Variants in PRKCQ observed in about 807,000 individuals in gnomAD.
PRKCQ encodes the protein protein kinase C theta type.
Under a neutral mutation model 91.2 loss-of-function variants are expected in PRKCQ, and 41 were observed. That is an observed-to-expected ratio of 0.45 (90% CI 0.35 to 0.58). PRKCQ has a LOEUF of 0.58. Among genes scored for constraint, PRKCQ ranks in the 20% least tolerant of loss-of-function variants. The pLI, the probability that PRKCQ is intolerant of heterozygous loss-of-function variation, is 0.00. For missense variants in PRKCQ, 673 were observed against 896.5 expected, an observed-to-expected ratio of 0.75 and a Z score of 3.18; for synonymous variants, 307 against 316.9, an observed-to-expected ratio of 0.97 and a Z score of 0.33.
chr10:6,517,202 C>T (rs907131768), intron 1 of PRKCQ, among the ~76,000 whole-genome samples: 1 of 152,074 alleles, frequency 6.6e-6, no homozygotes, highest in South Asian at 2.1e-4. Context: ...TAGTTCAGAG[C>T]ACTTTTTAGG....
intron 3 of PRKCQ, among the ~76,000 whole-genome samples, chr10:6,507,756 C>A (rs1838268746): frequency 6.6e-6 from 1 of 152,166 alleles, no homozygotes; most frequent in Non-Finnish European, 1.5e-5. Context: ...AATCCTAAAA[C>A]AGATTCTATT....
chr10:6,484,556 A>G (rs963283167), intron 10 of PRKCQ, among the ~76,000 whole-genome samples: 1 of 152,256 alleles, frequency 6.6e-6, no homozygotes, highest in Non-Finnish European at 1.5e-5. Context: ...AAAACATAAG[A>G]GAAATTTTTA....
chr10:6,406,683 C>A, the PRKCQ span, among the ~76,000 whole-genome samples: 1 of 152,098 alleles, frequency 6.6e-6, no homozygotes, highest in South Asian at 2.1e-4. Flanking sequence ...TGTCTTTGTG[C>A]AGATCTTATG....
Position 6,479,154 on chromosome 10 carries a change from T to C in PRKCQ, c.1191A>G (p.Ala397=), listed in dbSNP as rs1588724344. The part of the protein sequence containing the change: ...GKGSFGKVFL[A]EFKKTNQFFA... Reference sequence around the variant, plus strand: ...AAAATTGATTGGTTTTCTTGAATTCTGCCAGGAAGACCTAGAAGGAGAGGG... The same window carrying C: ...AAAATTGATTGGTTTTCTTGAATTCCGCCAGGAAGACCTAGAAGGAGAGGG... The change falls in exon 12 of 18, where the codon GCA becomes GCG. Residue 397 remains alanine, a synonymous_variant. Transcript: ENST00000263125. 5 of 1,614,086 alleles carry C rather than the reference T, an allele frequency of 3.1e-6. No individual in the cohort carries two copies. Among genetic ancestry groups the C allele is most frequent in the Non-Finnish European group, 4.2e-6 (5 of 1,179,942 alleles).
chr10:6,456,571 T>G, intron 15 of PRKCQ, 103 bp downstream of exon 15: 1 of 1,431,758 alleles, frequency 7.0e-7, no homozygotes, highest in South Asian at 1.4e-5. Flanking sequence ...GTACAAATCT[T>G]GAATGAAGAT....
chr10:6,561,283 G>T (rs1356871451), intron 1 of PRKCQ, among the ~76,000 whole-genome samples: 1 of 148,610 alleles, frequency 6.7e-6, no homozygotes, highest in African/African-American at 2.5e-5. Flanking sequence ...GAGGTGGGAG[G>T]ATCACCTGAG....
chr10:6,522,319 T>C (rs974765091), intron 1 of PRKCQ, among the ~76,000 whole-genome samples: 8 of 152,346 alleles, frequency 5.3e-5, no homozygotes, highest in African/African-American at 1.9e-4. Context: ...ATCTCATTTG[T>C]CTTTTGTGTG....
intron 1 of PRKCQ, among the ~76,000 whole-genome samples, chr10:6,553,500 A>ATAAAAT (rs58498156): frequency 0.31 from 37,691 of 122,264 alleles, 6,543 homozygotes; most frequent in African/African-American, 0.52. Flanking sequence ...AAAAAAAAAA[A>ATAAAAT]AAAAAAAAAA....
At chr10:6,460,886 T>C (rs1588694358) in intron 14 of PRKCQ, among the ~76,000 whole-genome samples, 1 of 150,298 alleles carries the variant, frequency 6.7e-6, no homozygotes, top group Non-Finnish European at 1.5e-5. Context: ...CCATCACCCA[T>C]CCATCCATAC....
At chr10:6,577,150 T>C (rs369057680) in intron 1 of PRKCQ, among the ~76,000 whole-genome samples, 2 of 152,188 alleles carry the variant, frequency 1.3e-5, no homozygotes, top group Non-Finnish European at 2.9e-5. Flanking sequence ...GCTAATTTAA[T>C]CCAGGAGCAA....
chr10:6,397,893 C>G, the PRKCQ span, among the ~76,000 whole-genome samples: 2 of 151,972 alleles, frequency 1.3e-5, no homozygotes, highest in South Asian at 2.1e-4. Context: ...CCATTGCACT[C>G]CAGCCTAGGC....
At chr10:6,453,974 T>A (rs1043832331) in intron 15 of PRKCQ, among the ~76,000 whole-genome samples, 9 of 151,978 alleles carry the variant, frequency 5.9e-5, no homozygotes, top group African/African-American at 2.2e-4. Flanking sequence ...TAATGCTAAA[T>A]GACGAGTTAA....
chr10:6,539,635 G>C (rs951979007), intron 1 of PRKCQ, among the ~76,000 whole-genome samples: 1 of 152,132 alleles, frequency 6.6e-6, no homozygotes, highest in South Asian at 2.1e-4. Flanking sequence ...AATAGAAATA[G>C]AGTGGACAAT....
chr10:6,448,888 A>G (rs1834481335), intron 15 of PRKCQ, among the ~76,000 whole-genome samples: 1 of 152,158 alleles, frequency 6.6e-6, no homozygotes, highest in Non-Finnish European at 1.5e-5. Context: ...TGTTAGAAGG[A>G]AAACTAACAA....
intron 16 of PRKCQ, among the ~76,000 whole-genome samples, chr10:6,439,312 G>A (rs1254868441): frequency 6.6e-6 from 1 of 152,154 alleles, no homozygotes; most frequent in African/African-American, 2.4e-5. Context: ...TGCTAAGATG[G>A]TAATAGCCTG....
At chr10:6,499,227 G>A (rs1837776840) in intron 4 of PRKCQ, among the ~76,000 whole-genome samples, 1 of 152,116 alleles carries the variant, frequency 6.6e-6, no homozygotes, top group African/African-American at 2.4e-5. Context: ...TGGTGTCTAG[G>A]TAATCCTGTG....
At chr10:6,514,943 A>G in intron 2 of PRKCQ, 75 bp downstream of exon 2, 1 of 1,600,124 alleles carries the variant, frequency 6.2e-7, no homozygotes, top group South Asian at 1.1e-5. Flanking sequence ...ATGTCCTGGA[A>G]GACCTTGCTT....
At chr10:6,442,791 A>G (rs1834044807) in intron 15 of PRKCQ, among the ~76,000 whole-genome samples, 2 of 152,028 alleles carry the variant, frequency 1.3e-5, no homozygotes, top group Admixed American at 6.6e-5. Flanking sequence ...GTGAAACCCT[A>G]TCTCTACTAA....
At chr10:6,395,127 G>GCA in the PRKCQ span, among the ~76,000 whole-genome samples, 329 of 140,940 alleles carry the variant, frequency 2.3e-3, 2 homozygotes, top group African/African-American at 8.5e-3. Flanking sequence ...CAGTGGCTGT[G>GCA]ATCTCGGCTC....
Sources: allele counts gnomAD v4.1 joint callset (sites outside exome capture counted in the v4.1 genomes callset), GRCh38; gene constraint gnomAD v4.1.1; transcripts MANE v1.5; gene names NCBI Gene and HGNC (gene_info 2026-07-23, HGNC 2026-07-21).